DNAH8: variants seen among roughly 807,000 people sequenced by gnomAD.
The protein encoded by DNAH8 is axonemal beta dynein heavy chain 8.
DNAH8 carries 382 observed loss-of-function variants against 562.1 expected under a neutral mutation model. That is an observed-to-expected ratio of 0.68 (90% CI 0.63 to 0.74). The LOEUF is 0.74. DNAH8 is among the 30% of genes least tolerant of loss of function. DNAH8 has a pLI of 0.00. For synonymous variants in DNAH8, 1,881 were observed against 1,919.4 expected (o/e 0.98, Z 0.52); for missense variants, 5,203 against 5,620.4 (o/e 0.93, Z 2.37).
chr6:38,992,814 A>C (rs1292416752), intron 88 of DNAH8, among the ~76,000 whole-genome samples: 1 of 152,224 alleles, frequency 6.6e-6, no homozygotes, highest in African/African-American at 2.4e-5. Flanking sequence ...GACAAAGACA[A>C]AGACAAACCA....
intron 41 of DNAH8, among the ~76,000 whole-genome samples, chr6:38,854,265 A>G (rs1054133577): frequency 3.3e-5 from 5 of 152,164 alleles, no homozygotes; most frequent in African/African-American, 7.2e-5. Flanking sequence ...GCAGGTACCA[A>G]TGGTTTCATT....
At chr6:38,827,791 C>T (rs1773495016) in intron 29 of DNAH8, among the ~76,000 whole-genome samples, 1 of 99,986 alleles carries the variant, frequency 1.0e-5, no homozygotes, top group Non-Finnish European at 1.8e-5. Context: ...AATTACTGGT[C>T]ATCCCTTGGA....
At chr6:38,815,175 G>A (rs1414390102) in intron 25 of DNAH8, among the ~76,000 whole-genome samples, 1 of 152,192 alleles carries the variant, frequency 6.6e-6, no homozygotes, top group East Asian at 1.9e-4. Context: ...AGGATGACAA[G>A]TACTAGTTTG....
intron 35 of DNAH8, among the ~76,000 whole-genome samples, chr6:38,843,966 T>C (rs986689369): frequency 6.6e-6 from 1 of 152,146 alleles, no homozygotes; most frequent in African/African-American, 2.4e-5. Context: ...TCCTCTACTG[T>C]GCTGTGGTGT....
rs200549336 is a variant in DNAH8 at position 38,845,609 on chromosome 6, C to T, written c.4881C>T (p.Ile1627=). 1.3e-3 allele frequency: 2,117 copies of T among 1,613,852 alleles called. 43 individuals carry two copies. In the South Asian group the frequency reaches 0.022, roughly 17 times the overall value. Residue 1627 remains isoleucine, a synonymous_variant, in exon 36 of 93, where the codon ATC becomes ATT. Coordinates refer to ENST00000327475, the MANE Select transcript of DNAH8 (RefSeq NM_001206927.2). ...TATCTGCCATTAAGGAGAAGGATAT[C>T]GAAGCCAAGCTGACTCAGGTGATTG... ...ICISAIKEKD[I]EAKLTQVIEN...
chr6:38,967,773 C>T (rs535140253), intron 82 of DNAH8, among the ~76,000 whole-genome samples: 9 of 151,942 alleles, frequency 5.9e-5, no homozygotes, highest in South Asian at 2.1e-4. Flanking sequence ...ATTGACAAGA[C>T]GATCCTAAAA....
At chr6:38,919,148 T>C (rs1192275888) in intron 70 of DNAH8, among the ~76,000 whole-genome samples, 4 of 152,048 alleles carry the variant, frequency 2.6e-5, no homozygotes, top group Admixed American at 2.6e-4. Flanking sequence ...TTGATAAAAA[T>C]TATGATCCAT....
chr6:38,899,956 A>G, intron 62 of DNAH8, 50 bp downstream of exon 62: 1 of 1,423,292 alleles, frequency 7.0e-7, no homozygotes, highest in East Asian at 2.5e-5. Flanking sequence ...ATTTCTCTAT[A>G]GTTAAATGTT....
chr6:38,872,394 C>A, intron 49 of DNAH8, 142 bp from the exon 50 acceptor site: 2 of 882,464 alleles, frequency 2.3e-6, no homozygotes, highest in Non-Finnish European at 3.4e-6. Flanking sequence ...TCTAGTAAAA[C>A]AACATTTTTT....
intron 91 of DNAH8, among the ~76,000 whole-genome samples, chr6:39,022,717 G>A (rs1360488986): frequency 6.6e-6 from 1 of 152,162 alleles, no homozygotes; most frequent in Non-Finnish European, 1.5e-5. Context: ...TGATCCCAGG[G>A]GTGCACATGT....
chr6:38,853,400 A>G, intron 41 of DNAH8, 53 bp downstream of exon 41: 1 of 1,583,884 alleles, frequency 6.3e-7, no homozygotes, highest in South Asian at 1.1e-5. Context: ...AATAAAGGGG[A>G]AGGATGCTTA....
chr6:38,862,459 G>C lies in DNAH8; in HGVS notation c.6310+1G>C. The C allele has an allele frequency of 6.2e-7, 1 of 1,602,216 alleles. No homozygotes were observed. Among genetic ancestry groups the C allele is most frequent in the South Asian group, 1.1e-5 (1 of 88,544 alleles). ...AGAGGCCTAGGAAGGATTTTCAAAG[G>C]CAAGTGTCAAATAATGTAGATTATT... On this transcript the variant is annotated splice_donor_variant, in intron 44 of 92. Transcript: ENST00000327475. LOFTEE classifies it high-confidence loss of function.
At chr6:38,766,135 T>TTTTATGTGTGTGTGTGTGCGTG (rs1766963678) in intron 11 of DNAH8, among the ~76,000 whole-genome samples, 1 of 128,914 alleles carries the variant, frequency 7.8e-6, no homozygotes, top group Non-Finnish European at 1.6e-5. Flanking sequence ...ATGTATGTGT[T>TTTTATGTGTGTGTGTGTGCGTG]TGTATGTGTG....
At chr6:38,886,671 C>T in intron 56 of DNAH8, 120 bp from the exon 57 acceptor site, 1 of 810,962 alleles carries the variant, frequency 1.2e-6, no homozygotes. Context: ...TCGACATTCA[C>T]AAACACTTCA....
chr6:38,915,243 A>G lies in DNAH8; in HGVS notation c.10006A>G (p.Ile3336Val). ...AGTAAGCGCTCAGGCTTCAGCCAAAATTAAAAATGAAGTACAGGAGGTAAA... is the reference window on the plus strand; with the variant it reads ...AGTAAGCGCTCAGGCTTCAGCCAAAGTTAAAAATGAAGTACAGGAGGTAAA... ...VTVSAQASAK[I>V]KNEVQEVKDK... Residue 3336 changes from isoleucine (I) to valine (V), a missense_variant, in exon 68 of 93, where the codon ATT (isoleucine) becomes GTT (valine). Coordinates refer to ENST00000327475, the MANE Select transcript of DNAH8 (RefSeq NM_001206927.2). The G allele has an allele frequency of 6.2e-7, 1 of 1,609,818 alleles. No homozygotes were observed. The highest frequency in any genetic ancestry group is 2.2e-5 in the East Asian group (1 of 44,632).
chr6:38,904,792 C>CAAAAAAAAAAA (rs759782655), intron 62 of DNAH8, among the ~76,000 whole-genome samples: 2 of 86,376 alleles, frequency 2.3e-5, no homozygotes, highest in African/African-American at 4.5e-5. Flanking sequence ...AACTCCGTCT[C>CAAAAAAAAAAA]AAAAAAAAAA....
At chr6:38,870,840 G>A (rs1284069454) in intron 49 of DNAH8, among the ~76,000 whole-genome samples, 1 of 152,158 alleles carries the variant, frequency 6.6e-6, no homozygotes, top group African/African-American at 2.4e-5. Context: ...AAAAACTCTA[G>A]GGGAACGGAA....
chr6:38,862,830 G>A (rs1776739575), intron 44 of DNAH8, among the ~76,000 whole-genome samples: 1 of 152,148 alleles, frequency 6.6e-6, no homozygotes, highest in Admixed American at 6.5e-5. Context: ...ATAAGAAGGG[G>A]GTGGCCATCA....
chr6:38,911,426 C>T (rs764993180), intron 65 of DNAH8, 42 bp from the exon 66 acceptor site: 30 of 1,390,472 alleles, frequency 2.2e-5, no homozygotes, highest in South Asian at 6.9e-5. Flanking sequence ...TATGGGAGTA[C>T]GCACAATGAT....
Sources: gnomAD v4.1 joint callset for allele counts (sites outside exome capture counted in the v4.1 genomes callset) on GRCh38, gnomAD v4.1.1 for gene constraint, MANE v1.5 for transcripts, NCBI Gene and HGNC (gene_info 2026-07-23, HGNC 2026-07-21) for gene names.